Variants in FRZB observed in about 807,000 individuals in gnomAD.
FRZB encodes the protein secreted frizzled-related protein 3.
A neutral mutation model predicts 32.5 loss-of-function variants in FRZB; 34 were observed. The ratio of observed to expected loss-of-function variants is 1.05; its 90% confidence interval spans 0.80 to 1.39. The LOEUF (loss-of-function observed/expected upper bound fraction) is 1.39, where lower values mean the gene tolerates loss of function less well. Among genes scored for constraint, FRZB ranks in the 40% most tolerant of loss-of-function variants. The probability of loss-of-function intolerance (pLI) is 0.00; values close to 1 mark genes in which losing one functional copy is unlikely to be tolerated. For synonymous variants in FRZB, 170 were observed against 159.2 expected, an observed-to-expected ratio of 1.07 and a Z score of -0.51; for missense variants, 423 against 424.8, an observed-to-expected ratio of 1.00 and a Z score of 0.04.
chr2:182,845,738 G>A (rs1402631922), intron 2 of FRZB, among the ~76,000 whole-genome samples: 2 of 152,114 alleles, frequency 1.3e-5, no homozygotes, highest in Admixed American at 6.5e-5. Context: ...TTTACCAGCA[G>A]CCATGGAAAG....
chr2:182,855,109 A>G (rs1574987526), intron 2 of FRZB, among the ~76,000 whole-genome samples: 1 of 152,224 alleles, frequency 6.6e-6, no homozygotes, highest in South Asian at 2.1e-4. Context: ...TGGAACTGAC[A>G]TTAAAATCAC....
chr2:182,848,392 T>C (rs1428652883), intron 2 of FRZB, among the ~76,000 whole-genome samples: 8 of 152,178 alleles, frequency 5.3e-5, no homozygotes, highest in Non-Finnish European at 7.4e-5. Context: ...ATATACCACT[T>C]GGCCATTCAG....
At chr2:182,865,682 C>A (rs1695882034) in intron 1 of FRZB, among the ~76,000 whole-genome samples, 1 of 152,050 alleles carries the variant, frequency 6.6e-6, no homozygotes, top group South Asian at 2.1e-4. Context: ...TGAGAATCAG[C>A]AAAGAAAACC....
rs746028055 is a variant in FRZB at position 182,838,987 on chromosome 2, C to T, written c.593-374G>A. On this transcript the variant is annotated intron_variant, in intron 3 of 5. Transcript: ENST00000295113. The stretch of plus-strand genomic sequence containing the variant: ...ATATATGCATGTGCAGTTCCAATTG[C>T]TGCCAAGAGGAATTTAAACTATGTT... Among the ~76,000 whole-genome samples, 44 of 152,204 alleles carry T rather than the reference C, an allele frequency of 2.9e-4. 1 individual carries two copies. Among genetic ancestry groups the T allele is most frequent in the Non-Finnish European group, 5.0e-4 (34 of 67,986 alleles).
intron 3 of FRZB, 26 bp from the exon 4 acceptor site, chr2:182,838,639 A>G (rs369134765): frequency 7.5e-6 from 12 of 1,592,132 alleles, no homozygotes; most frequent in African/African-American, 4.0e-5. Context: ...AGAAAAGCTG[A>G]TAATAATATG....
chr2:182,858,659 G>A, intron 2 of FRZB, 127 bp downstream of exon 2: 2 of 613,312 alleles, frequency 3.3e-6, no homozygotes, highest in South Asian at 5.7e-5. Context: ...TATAAATGAG[G>A]GAATTTTAAA....
At chr2:182,835,087 A>G in intron 5 of FRZB, 122 bp from the exon 6 acceptor site, 1 of 709,410 alleles carries the variant, frequency 1.4e-6, no homozygotes, top group East Asian at 2.5e-5. Context: ...TACTTTTCCA[A>G]AAGTATCAAT....
intron 2 of FRZB, among the ~76,000 whole-genome samples, chr2:182,855,729 GA>G (rs1360394253): frequency 6.6e-6 from 1 of 152,126 alleles, no homozygotes; most frequent in Non-Finnish European, 1.5e-5. Flanking sequence ...AGTATTTGAA[GA>G]AATAATTCCT....
intron 2 of FRZB, among the ~76,000 whole-genome samples, chr2:182,846,587 T>G (rs1352206551): frequency 6.6e-6 from 1 of 152,224 alleles, no homozygotes; most frequent in Non-Finnish European, 1.5e-5. Flanking sequence ...GTTTAAATCA[T>G]TTTAATTTTT....
chr2:182,839,505 T>C (rs1695563829), intron 3 of FRZB, among the ~76,000 whole-genome samples: 1 of 152,080 alleles, frequency 6.6e-6, no homozygotes, highest in Admixed American at 6.6e-5. Context: ...AATGGATATA[T>C]TGGCACCCAA....
chr2:182,840,928 TATAA>T (rs769280938), intron 3 of FRZB, among the ~76,000 whole-genome samples: 7 of 152,144 alleles, frequency 4.6e-5, no homozygotes, highest in Non-Finnish European at 8.8e-5. Flanking sequence ...ATAAATTAAA[TATAA>T]ATAATTACAT....
At chr2:182,855,273 C>A (rs1277825859) in intron 2 of FRZB, among the ~76,000 whole-genome samples, 1 of 152,118 alleles carries the variant, frequency 6.6e-6, no homozygotes, top group African/African-American at 2.4e-5. Flanking sequence ...CAGGATTCAA[C>A]CCAAAATTAC....
At chr2:182,841,091 G>C (rs1302816376) in intron 3 of FRZB, among the ~76,000 whole-genome samples, 1 of 151,974 alleles carries the variant, frequency 6.6e-6, no homozygotes, top group Non-Finnish European at 1.5e-5. Context: ...GTAAAGAAGC[G>C]GGTTCTTAGA....
intron 1 of FRZB, among the ~76,000 whole-genome samples, chr2:182,864,312 T>C (rs1045779006): frequency 6.6e-6 from 1 of 152,170 alleles, no homozygotes; most frequent in Non-Finnish European, 1.5e-5. Context: ...CGGGGAGGAA[T>C]GCATTTCAGC....
chr2:182,839,399 C>T lies in FRZB; in HGVS notation c.593-786G>A, dbSNP rs547545857. Among the ~76,000 whole-genome samples the T allele has an allele frequency of 1.4e-3, 213 of 152,074 alleles. 1 individual carries two copies. The highest frequency in any genetic ancestry group is 1.8e-3 in the Non-Finnish European group (125 of 67,946). ...AATGGTCACCACTAGATCTTATTTC[C>T]TCCATCTGCTTTGAAGTCAGACACT... On this transcript the variant is annotated intron_variant, in intron 3 of 5. Transcript: ENST00000295113.
At chr2:182,845,824 C>A (rs139879007) in intron 2 of FRZB, among the ~76,000 whole-genome samples, 5 of 152,304 alleles carry the variant, frequency 3.3e-5, no homozygotes, top group Non-Finnish European at 7.3e-5. Context: ...TAGTGACTCT[C>A]CTAATACTAA....
At chr2:182,835,390 C>T (rs1212215849) in intron 5 of FRZB, among the ~76,000 whole-genome samples, 1 of 151,558 alleles carries the variant, frequency 6.6e-6, no homozygotes, top group African/African-American at 2.4e-5. Context: ...AGAACATAGC[C>T]TTTTAAAGTC....
Position 182,834,870 on chromosome 2 carries a change from G to T in FRZB, c.957C>A (p.Asn319Lys). The T allele has an allele frequency of 1.2e-6, 2 of 1,613,282 alleles. No homozygotes were observed. Among genetic ancestry groups the T allele is most frequent in the Non-Finnish European group, 1.7e-6 (2 of 1,179,430 alleles). ...GGATTTAGTTGCGTGCTTGCCGGGG[G>T]TTCGAGTTCCTGCCAGACTTCTGAC... ...TQSQKSGRNS[N>K]PRQARN The change falls in exon 6 of 6, where the codon AAC becomes AAA. Residue 319 changes from asparagine to lysine, a missense_variant. Physicochemically the swap from Asn to Lys is moderately conservative, Grantham distance 94 (BLOSUM62 0). Coordinates refer to ENST00000295113, the MANE Select transcript of FRZB (RefSeq NM_001463.4).
In FRZB at chr2:182,866,629, G is replaced by A; in HGVS notation, c.-77C>T. On this transcript the variant is annotated 5_prime_UTR_variant, in exon 1 of 6. Transcript: ENST00000295113. The surrounding 1 kb of genome is among the most constrained non-coding windows in gnomAD (Gnocchi z 4.5). ...CCGCTCCGCCGTCTCCGCCTCCCCCGCTGCAAGTGGACACAAGGATCTGGG... is the reference window on the plus strand; with the variant it reads ...CCGCTCCGCCGTCTCCGCCTCCCCCACTGCAAGTGGACACAAGGATCTGGG... 2.9e-6 allele frequency: 3 copies of A among 1,036,244 alleles called. No homozygotes were observed. The highest frequency in any genetic ancestry group is 4.0e-6 in the Non-Finnish European group (3 of 746,062). 64.2% of individuals were successfully genotyped at this position (1,036,244 alleles called of 1,614,324 possible). A position where few individuals can be genotyped will look rare whatever the true frequency, so the allele number is the denominator to read the frequency against.
Sources: gnomAD v4.1 joint callset for allele counts (sites outside exome capture counted in the v4.1 genomes callset) on GRCh38, gnomAD v4.1.1 for gene constraint, Gnocchi (gnomAD v3.1) non-coding constraint, MANE v1.5 for transcripts, NCBI Gene and HGNC (gene_info 2026-07-23, HGNC 2026-07-21) for gene names.